TBCA: variants seen among roughly 807,000 people sequenced by gnomAD.
TBCA encodes tubulin folding cofactor A.
A neutral mutation model predicts 15.8 loss-of-function variants in TBCA; 6 were observed. That is an observed-to-expected ratio of 0.38 (90% CI 0.21 to 0.75). The LOEUF is 0.75. TBCA is among the 30% of genes least tolerant of loss of function. The pLI is 0.46. For missense variants in TBCA, 90 were observed against 131.2 expected, an observed-to-expected ratio of 0.69 and a Z score of 1.53; for synonymous variants, 32 against 42.3, an observed-to-expected ratio of 0.76 and a Z score of 0.94.
intron 1 of TBCA, among the ~76,000 whole-genome samples, chr5:77,710,498 A>T (rs1272213204): frequency 1.3e-5 from 2 of 152,234 alleles, no homozygotes; most frequent in African/African-American, 2.4e-5. Flanking sequence ...AAACCTAAAG[A>T]TGATTTTATT....
chr5:77,701,854 G>A (rs1362674382), intron 2 of TBCA, among the ~76,000 whole-genome samples: 6 of 151,458 alleles, frequency 4.0e-5, no homozygotes, highest in African/African-American at 1.5e-4. Context: ...TACTACCTCA[G>A]CCATAAAAAG....
intron 1 of TBCA, among the ~76,000 whole-genome samples, chr5:77,760,941 C>A (rs1405299313): frequency 8.7e-6 from 1 of 114,530 alleles, no homozygotes; most frequent in South Asian, 2.9e-4. Context: ...AAGGGAGGAG[C>A]ACCTCTGCCC....
chr5:77,724,290 T>C (rs1215032513), intron 1 of TBCA, among the ~76,000 whole-genome samples: 2 of 152,074 alleles, frequency 1.3e-5, no homozygotes, highest in Admixed American at 1.3e-4. Flanking sequence ...CAAAGAGATA[T>C]AATAATAAAA....
chr5:77,708,170 A>C (rs1746190876), intron 2 of TBCA, 72 bp downstream of exon 2: 1 of 969,322 alleles, frequency 1.0e-6, no homozygotes, highest in Non-Finnish European at 1.6e-6. Context: ...TCAGAGGACT[A>C]CTGTAAAAAC....
chr5:77,710,150 T>C (rs1270392426), intron 1 of TBCA, among the ~76,000 whole-genome samples: 1 of 152,082 alleles, frequency 6.6e-6, no homozygotes, highest in Admixed American at 6.6e-5. Flanking sequence ...AATGGGTTAA[T>C]TGTATGGTAT....
chr5:77,729,489 CTAAAG>C (rs1746712688), intron 1 of TBCA, among the ~76,000 whole-genome samples: 1 of 152,134 alleles, frequency 6.6e-6, no homozygotes, highest in Non-Finnish European at 1.5e-5. Flanking sequence ...TGCTTCATAA[CTAAAG>C]TAGATTTTGG....
chr5:77,695,192 C>G (rs1187832247), intron 2 of TBCA, among the ~76,000 whole-genome samples: 2 of 152,098 alleles, frequency 1.3e-5, no homozygotes, highest in Non-Finnish European at 2.9e-5. Context: ...AAACTTTAGA[C>G]AATGCCATCC....
chr5:77,767,319 G>A (rs1392787175), intron 1 of TBCA, among the ~76,000 whole-genome samples: 3 of 152,088 alleles, frequency 2.0e-5, no homozygotes, highest in Admixed American at 1.3e-4. Flanking sequence ...ACAGAACTCC[G>A]TAACTTACTT....
At chr5:77,756,405 T>C (rs896816184) in intron 1 of TBCA, among the ~76,000 whole-genome samples, 1 of 152,166 alleles carries the variant, frequency 6.6e-6, no homozygotes, top group African/African-American at 2.4e-5. Context: ...TCCCGGTCAC[T>C]CAGAGGCACC....
intron 1 of TBCA, among the ~76,000 whole-genome samples, chr5:77,755,279 T>C (rs1580130598): frequency 6.6e-6 from 1 of 152,246 alleles, no homozygotes; most frequent in East Asian, 1.9e-4. Context: ...TGCCCATCAG[T>C]TTAAAATGTG....
At chr5:77,714,245 G>A (rs796988525) in intron 1 of TBCA, among the ~76,000 whole-genome samples, 5 of 152,076 alleles carry the variant, frequency 3.3e-5, no homozygotes, top group African/African-American at 9.6e-5. Context: ...GCTTGAACCC[G>A]GGAGGCGGAG....
intron 1 of TBCA, among the ~76,000 whole-genome samples, chr5:77,719,828 CAGTG>C (rs955362018): frequency 6.6e-6 from 1 of 152,056 alleles, no homozygotes; most frequent in African/African-American, 2.4e-5. Context: ...CCTGAGATGT[CAGTG>C]AGATTAAAAA....
chr5:77,708,138 G>A lies in TBCA; in HGVS notation c.159+104C>T, dbSNP rs1435555074. Reference sequence around the variant, plus strand: ...AAATGGAAGTTTTAATAGTAAAGAAGTAAATAATAATATAATCTCAGTCAG... The same window carrying A: ...AAATGGAAGTTTTAATAGTAAAGAAATAAATAATAATATAATCTCAGTCAG... On this transcript the variant is annotated intron_variant, in intron 2 of 3. Transcript: ENST00000380377. The A allele has an allele frequency of 1.5e-5, 11 of 738,394 alleles. No individual in the cohort carries two copies. In the East Asian group the frequency reaches 2.8e-4, roughly 19 times the overall value. The allele number at this position is 738,394 out of a possible 1,614,324, so 45.7% of individuals were successfully genotyped here. A position where few individuals can be genotyped will look rare whatever the true frequency, so the allele number is the denominator to read the frequency against.
chr5:77,722,872 T>A (rs1041058631), intron 1 of TBCA, among the ~76,000 whole-genome samples: 1 of 151,850 alleles, frequency 6.6e-6, no homozygotes, highest in Admixed American at 6.6e-5. Flanking sequence ...AATTGGTGTT[T>A]ACATCTTAAT....
At chr5:77,734,823 C>T (rs1341647464) in intron 1 of TBCA, among the ~76,000 whole-genome samples, 1 of 152,162 alleles carries the variant, frequency 6.6e-6, no homozygotes, top group Non-Finnish European at 1.5e-5. Context: ...TCTTCATTGT[C>T]TTATTTTAAG....
intron 2 of TBCA, among the ~76,000 whole-genome samples, chr5:77,699,759 T>G (rs889214615): frequency 6.6e-6 from 1 of 152,074 alleles, no homozygotes; most frequent in Non-Finnish European, 1.5e-5. Flanking sequence ...AACTGTTGGC[T>G]GGGCGCGATG....
chr5:77,775,981 G>C (rs1011214163), intron 1 of TBCA, among the ~76,000 whole-genome samples: 6 of 152,220 alleles, frequency 3.9e-5, no homozygotes, highest in Non-Finnish European at 7.4e-5. Context: ...AATCAGAGCG[G>C]CCAGTGAGCG....
At chr5:77,758,779 A>G (rs1295221697) in intron 1 of TBCA, among the ~76,000 whole-genome samples, 1 of 152,150 alleles carries the variant, frequency 6.6e-6, no homozygotes, top group Non-Finnish European at 1.5e-5. Flanking sequence ...CTTCCAGTGG[A>G]ATGCCCCCAG....
At chr5:77,722,539 C>G (rs1220150210) in intron 1 of TBCA, among the ~76,000 whole-genome samples, 1 of 151,844 alleles carries the variant, frequency 6.6e-6, no homozygotes, top group African/African-American at 2.4e-5. Context: ...GTACACTCTT[C>G]CCCTCTTAAA....
Sources: gnomAD v4.1 joint callset for allele counts (sites outside exome capture counted in the v4.1 genomes callset) on GRCh38, gnomAD v4.1.1 for gene constraint, MANE v1.5 for transcripts, NCBI Gene and HGNC (gene_info 2026-07-23, HGNC 2026-07-21) for gene names.